Variants in HOXD3 observed in about 807,000 individuals in gnomAD.
The protein encoded by HOXD3 is homeobox protein Hox-D3.
Under a neutral mutation model 32.8 loss-of-function variants are expected in HOXD3, and 13 were observed. That is an observed-to-expected ratio of 0.40 (90% CI 0.26 to 0.63). HOXD3 has a LOEUF of 0.63. Among genes scored for constraint, HOXD3 ranks in the 20% least tolerant of loss-of-function variants. The pLI, the probability that HOXD3 is intolerant of heterozygous loss-of-function variation, is 0.44. For synonymous variants in HOXD3, 241 were observed against 246.8 expected (o/e 0.98, Z 0.22); for missense variants, 504 against 577.1 (o/e 0.87, Z 1.30).
Position 176,169,255 on chromosome 2 carries a change from C to G in HOXD3, c.141C>G (p.His47Gln). ...TTDTYGYSTP[H>Q]QPYPPPAAAS... is the part of the protein sequence containing the mutation. The stretch of plus-strand genomic sequence containing the variant: ...ACACTTACGGCTACAGCACCCCCCA[C>G]CAGCCCTACCCACCCCCTGCTGCTG... The change falls in exon 3 of 4, where the codon CAC (histidine) becomes CAG (glutamine). Residue 47 changes from histidine to glutamine, a missense_variant. Transcript: ENST00000683222. 1 of 1,614,068 alleles carries G rather than the reference C, an allele frequency of 6.2e-7. No individual in the cohort carries two copies. Among genetic ancestry groups the G allele is most frequent in the Non-Finnish European group, 8.5e-7 (1 of 1,179,960 alleles).
At chr2:176,168,261 C>CAAAAAAAAAA (rs34436368) in intron 2 of HOXD3, among the ~76,000 whole-genome samples, 1 of 103,392 alleles carries the variant, frequency 9.7e-6, no homozygotes, top group Admixed American at 1.1e-4. Flanking sequence ...CCTGTCTCTA[C>CAAAAAAAAAA]AAAAAAAAAA....
At chr2:176,168,443 C>G (rs1559140466) in intron 2 of HOXD3, among the ~76,000 whole-genome samples, 1 of 152,092 alleles carries the variant, frequency 6.6e-6, no homozygotes. Context: ...TGGCAGGTGC[C>G]TGTAATCCCA....
rs1174687820 is a variant in HOXD3, at chr2:176,171,824, C to T, written c.849C>T (p.Ser283=). The T allele has an allele frequency of 1.4e-5, 23 of 1,608,576 alleles. No homozygotes were observed. Among genetic ancestry groups the T allele is most frequent in the Non-Finnish European group, 1.8e-5 (21 of 1,177,536 alleles). The change falls in exon 4 of 4, where the codon TCC becomes TCT. Residue 283 remains serine, a synonymous_variant. Coordinates refer to ENST00000683222, the MANE Select transcript of HOXD3 (RefSeq NM_006898.5). Reference sequence around the variant, plus strand: ...GCGCCGCTGGCCACGTGGCCTACTCCGGCCAGCTGCCGCCAGTGCCCGGCC... The same window carrying T: ...GCGCCGCTGGCCACGTGGCCTACTCTGGCCAGCTGCCGCCAGTGCCCGGCC... ...LGGAAGHVAY[S]GQLPPVPGLA...
At chr2:176,155,478 A>T (rs192420424), upstream of HOXD3, among the ~76,000 whole-genome samples, 1,192 of 152,324 alleles carry the variant, frequency 7.8e-3, 4 homozygotes, top group Non-Finnish European at 0.013. Context: ...TTTGTTTATA[A>T]GTCTCAGCTC....
intron 1 of HOXD3, among the ~76,000 whole-genome samples, chr2:176,162,147 T>C (rs1690828758): frequency 6.6e-6 from 1 of 152,204 alleles, no homozygotes; most frequent in South Asian, 2.1e-4. Flanking sequence ...AGCAGTAAAG[T>C]TGTTTTGTCA....
chr2:176,169,432 G>A lies in HOXD3; in HGVS notation c.318G>A (p.Gln106=), dbSNP rs1321261003. 1 of 1,613,428 alleles carries A rather than the reference G, an allele frequency of 6.2e-7. No individual in the cohort carries two copies. The highest frequency in any genetic ancestry group is 1.3e-5 in the African/African-American group (1 of 74,872). ...GCCAGGGTGGGGGTGGTGGCAGCCA[G>A]CCTCCTGGTCTGAACTCAGAGCAGC... ...GNSQGGGGGS[Q]PPGLNSEQQP... Residue 106 remains glutamine (Q), a synonymous_variant, in exon 3 of 4, where the codon CAG becomes CAA. Transcript: ENST00000683222.
intron 1 of HOXD3, among the ~76,000 whole-genome samples, chr2:176,161,979 G>C (rs961379818): frequency 6.6e-6 from 1 of 152,210 alleles, no homozygotes; most frequent in South Asian, 2.1e-4. Flanking sequence ...AGGAGCTCCA[G>C]TGAGTGGTTC....
At chr2:176,159,196 C>A (rs1039508501) in intron 1 of HOXD3, among the ~76,000 whole-genome samples, 9 of 140,666 alleles carry the variant, frequency 6.4e-5, no homozygotes, top group African/African-American at 2.3e-4. Flanking sequence ...GCCGTCAGGT[C>A]GGCCTCTGGC....
At chr2:176,155,474 T>G (rs771076642), upstream of HOXD3, among the ~76,000 whole-genome samples, 3 of 152,192 alleles carry the variant, frequency 2.0e-5, no homozygotes, top group Non-Finnish European at 2.9e-5. Flanking sequence ...CTTCTTTGTT[T>G]ATAAGTCTCA....
intron 1 of HOXD3, among the ~76,000 whole-genome samples, chr2:176,162,813 T>A (rs1286127633): frequency 1.3e-5 from 2 of 152,204 alleles, no homozygotes; most frequent in African/African-American, 4.8e-5. Context: ...ACCTCCCAAC[T>A]TAGCTCTTCT....
At chr2:176,161,897 G>T (rs77521605) in intron 1 of HOXD3, among the ~76,000 whole-genome samples, 5,113 of 152,300 alleles carry the variant, frequency 0.034, 279 homozygotes, top group African/African-American at 0.12. Context: ...TGCTCCCTGT[G>T]GCTACTGGCT....
upstream of HOXD3, among the ~76,000 whole-genome samples, chr2:176,153,680 C>T (rs79144393): frequency 0.027 from 4,138 of 152,216 alleles, 158 homozygotes; most frequent in African/African-American, 0.09. Context: ...TGAACTCCAC[C>T]CCTCCCCACT....
At chr2:176,168,261 C>CAAAAAAAAAAAAA (rs34436368) in intron 2 of HOXD3, among the ~76,000 whole-genome samples, 1 of 103,394 alleles carries the variant, frequency 9.7e-6, no homozygotes, top group African/African-American at 3.8e-5. Context: ...CCTGTCTCTA[C>CAAAAAAAAAAAAA]AAAAAAAAAA....
intron 1 of HOXD3, among the ~76,000 whole-genome samples, chr2:176,159,641 C>G (rs990786505): frequency 5.9e-5 from 9 of 152,248 alleles, no homozygotes; most frequent in African/African-American, 1.9e-4. Context: ...CGCTGGCACG[C>G]TTAATTCTTT....
intron 1 of HOXD3, among the ~76,000 whole-genome samples, chr2:176,158,992 T>C (rs949176351): frequency 2.0e-5 from 3 of 151,814 alleles, no homozygotes; most frequent in African/African-American, 7.3e-5. Context: ...ATTGCCCGGG[T>C]TGGTGTGATA....
At position 176,170,746 on chromosome 2, in the gene HOXD3, G is replaced by A. The variant is rs578261794; in HGVS notation, c.542-771G>A. 2.6e-4 allele frequency among the ~76,000 whole-genome samples: 40 copies of A among 152,108 alleles called. 1 individual carries two copies. The Middle Eastern group carries it at 0.014, about 52-fold the overall frequency. On this transcript the variant is annotated intron_variant, in intron 3 of 3. Coordinates refer to ENST00000683222, the MANE Select transcript of HOXD3 (RefSeq NM_006898.5). ...CAGGCTCAGGCCCTCCCTCCCAGGA[G>A]AAATCCATTTGTCTTCCCTGGGAGG...
chr2:176,172,118 C>G lies in HOXD3; in HGVS notation c.1143C>G (p.His381Gln). Residue 381 changes from histidine (H) to glutamine (Q), a missense_variant, in exon 4 of 4, where the codon CAC (histidine) becomes CAG (glutamine). By Grantham distance (24) the His-to-Gln change is conservative. Coordinates refer to ENST00000683222, the MANE Select transcript of HOXD3 (RefSeq NM_006898.5). ...TCTTCAACCTGGGCCACCTCTCGCACCCGTCGTCGGCCAGCGTGGACTACA... is the reference window on the plus strand; with the variant it reads ...TCTTCAACCTGGGCCACCTCTCGCAGCCGTCGTCGGCCAGCGTGGACTACA... ...GPVFNLGHLS[H>Q]PSSASVDYSC... 1.2e-6 allele frequency: 2 copies of G among 1,613,054 alleles called. No individual in the cohort carries two copies. Among genetic ancestry groups the G allele is most frequent in the Non-Finnish European group, 1.7e-6 (2 of 1,179,968 alleles).
Position 176,169,082 on chromosome 2 carries a change from T to C in HOXD3, c.-33T>C, listed in dbSNP as rs1289788895. Reference sequence around the variant, plus strand: ...AGCTCTCTCAGGATTCAGCAGACATTGGAGGTGGCAGTGAAGGATACAGTG... The same window carrying C: ...AGCTCTCTCAGGATTCAGCAGACATCGGAGGTGGCAGTGAAGGATACAGTG... On this transcript the variant is annotated 5_prime_UTR_variant, in exon 3 of 4. Coordinates refer to ENST00000683222, the MANE Select transcript of HOXD3 (RefSeq NM_006898.5). 7 of 1,567,040 alleles carry C rather than the reference T, an allele frequency of 4.5e-6. No homozygotes were observed. Among genetic ancestry groups the C allele is most frequent in the Non-Finnish European group, 6.1e-6 (7 of 1,154,280 alleles).
At chr2:176,155,348 C>G (rs1690622350), upstream of HOXD3, among the ~76,000 whole-genome samples, 1 of 152,228 alleles carries the variant, frequency 6.6e-6, no homozygotes. Flanking sequence ...ACAGGCTTAA[C>G]TGACTGCATC....
Sources: gnomAD v4.1 joint callset for allele counts (sites outside exome capture counted in the v4.1 genomes callset) on GRCh38, gnomAD v4.1.1 for gene constraint, MANE v1.5 for transcripts, NCBI Gene and HGNC (gene_info 2026-07-23, HGNC 2026-07-21) for gene names.